OR3A3: variants seen among roughly 807,000 people sequenced by gnomAD.
OR3A3 encodes olfactory receptor 3A3.
For synonymous variants in OR3A3, 103 were observed against 163.9 expected, an observed-to-expected ratio of 0.63 and a Z score of 2.84; for missense variants, 275 against 391.4, an observed-to-expected ratio of 0.70 and a Z score of 2.51.
At chr17:3,417,404 C>A (rs181908804) in intron 2 of OR3A3, among the ~76,000 whole-genome samples, 4 of 152,260 alleles carry the variant, frequency 2.6e-5, no homozygotes, top group Admixed American at 6.5e-5. Context: ...CTCCTCTTAA[C>A]TTTATTAGAT....
chr17:3,418,676 C>T (rs567803086), intron 2 of OR3A3, among the ~76,000 whole-genome samples: 129 of 152,228 alleles, frequency 8.5e-4, no homozygotes, highest in African/African-American at 2.9e-3. Context: ...TTTTCTTAAC[C>T]GCTCCTGGCC....
chr17:3,412,419 G>A (rs2072367444), intron 2 of OR3A3, among the ~76,000 whole-genome samples: 1 of 147,360 alleles, frequency 6.8e-6, no homozygotes, highest in Non-Finnish European at 1.5e-5. Context: ...TTCACTGCCC[G>A]CACCCACTGC....
chr17:3,415,434 G>T (rs2072384528), intron 2 of OR3A3, among the ~76,000 whole-genome samples: 1 of 151,400 alleles, frequency 6.6e-6, no homozygotes, highest in Non-Finnish European at 1.5e-5. Flanking sequence ...GGTGGCGGGT[G>T]CCTGTAGTCC....
exon 3 of OR3A3, chr17:3,421,289 A>G (rs1262542584): frequency 6.2e-7 from 1 of 1,614,068 alleles, no homozygotes. Flanking sequence ...CGCTCTGCTG[A>G]GGGCAGAAAG....
At chr17:3,415,133 C>T (rs556872742) in intron 2 of OR3A3, among the ~76,000 whole-genome samples, 3 of 152,004 alleles carry the variant, frequency 2.0e-5, no homozygotes, top group African/African-American at 7.2e-5. Context: ...ATTTTAAAGT[C>T]ATTTCTGTTA....
intron 2 of OR3A3, among the ~76,000 whole-genome samples, chr17:3,418,128 G>A (rs1347287503): frequency 6.6e-6 from 1 of 151,920 alleles, no homozygotes; most frequent in Admixed American, 6.6e-5. Context: ...CTTGTTTTTT[G>A]TTTTTCAGTT....
chr17:3,421,293 C>T (rs759979169), exon 3 of OR3A3: 1 of 1,614,208 alleles, frequency 6.2e-7, no homozygotes, highest in South Asian at 1.1e-5. Context: ...CTGCTGAGGG[C>T]AGAAAGAAGG....
chr17:3,413,846 A>AAAAAACC (rs946632686), intron 2 of OR3A3, among the ~76,000 whole-genome samples: 1 of 106,898 alleles, frequency 9.4e-6, no homozygotes, highest in Non-Finnish European at 1.9e-5. Context: ...AACAAAAAAC[A>AAAAAACC]AAAAAAAAAA....
At chr17:3,413,330 C>G (rs1333599082) in intron 2 of OR3A3, among the ~76,000 whole-genome samples, 1 of 152,150 alleles carries the variant, frequency 6.6e-6, no homozygotes, top group Admixed American at 6.5e-5. Context: ...GGCGTCAAGT[C>G]TTGAAATATT....
At chr17:3,411,637 T>C (rs1426924341) in intron 1 of OR3A3, among the ~76,000 whole-genome samples, 153 bp downstream of exon 1, 1 of 152,192 alleles carries the variant, frequency 6.6e-6, no homozygotes, top group Non-Finnish European at 1.5e-5. Flanking sequence ...ATCGCACCAC[T>C]GCACTCCAGC....
exon 3 of OR3A3, chr17:3,421,635 C>A: frequency 1.5e-6 from 2 of 1,334,002 alleles, no homozygotes; most frequent in African/African-American, 1.5e-5. Flanking sequence ...TCTCCTGATG[C>A]CTGAGGAGTG....
chr17:3,419,797 G>A (rs963892378), intron 2 of OR3A3, among the ~76,000 whole-genome samples: 13 of 141,878 alleles, frequency 9.2e-5, no homozygotes, highest in Admixed American at 7.5e-4. Context: ...GCAGTGGCGC[G>A]ATCTCGGCTC....
At chr17:3,413,851 A>AC (rs781529285) in intron 2 of OR3A3, among the ~76,000 whole-genome samples, 2 of 149,598 alleles carry the variant, frequency 1.3e-5, no homozygotes, top group Non-Finnish European at 3.0e-5. Context: ...AAAACAAAAA[A>AC]AAAAAACTTT....
Position 3,420,808 on chromosome 17 carries a change from G to A in OR3A3, c.223G>A (p.Gly75Arg), listed in dbSNP as rs200809005. 1.5e-3 allele frequency: 1,934 copies of A among 1,330,608 alleles called. 3 individuals carry two copies. Among genetic ancestry groups the A allele is most frequent in the Non-Finnish European group, 1.9e-3 (1,814 of 956,934 alleles). 82.4% of individuals were successfully genotyped at this position (1,330,608 alleles called of 1,614,324 possible). ...GGGGAACCTGTCAGTGCTGGATGTC[G>A]GATGTATCACTGTCACTGTTCCTGC... is the stretch of plus-strand genomic sequence containing the variant. The change falls in exon 3 of 3, where the codon GGA (glycine) becomes AGA (arginine). Residue 75 changes from glycine to arginine, a missense_variant. Gly to Arg is a moderately radical substitution (Grantham distance 125). Coordinates refer to ENST00000641141, the Ensembl canonical transcript of OR3A3.
chr17:3,419,017 A>C (rs1026139800), intron 2 of OR3A3, among the ~76,000 whole-genome samples: 2 of 152,186 alleles, frequency 1.3e-5, no homozygotes, highest in African/African-American at 4.8e-5. Flanking sequence ...ACCTGGCAGC[A>C]ACCAACCCAC....
intron 2 of OR3A3, 119 bp downstream of exon 2, chr17:3,412,290 A>G (rs1191365213): frequency 1.3e-5 from 2 of 149,560 alleles, no homozygotes; most frequent in East Asian, 4.1e-4. Flanking sequence ...CATTTAGGGG[A>G]AGACCTGGCA....
intron 2 of OR3A3, among the ~76,000 whole-genome samples, chr17:3,418,274 A>T (rs998335889): frequency 6.6e-6 from 1 of 152,022 alleles, no homozygotes; most frequent in African/African-American, 2.4e-5. Context: ...TTCCCTTTTG[A>T]AGTCTAAATG....
chr17:3,421,256 T>G (rs1478202213), exon 3 of OR3A3: 1 of 1,614,124 alleles, frequency 6.2e-7, no homozygotes, highest in African/African-American at 1.3e-5. Context: ...TATGCCCATG[T>G]GGTAGCTGCT....
rs916081226 is a variant in OR3A3 at position 3,415,984 on chromosome 17, G to A, written c.-7+3813G>A. 1.5e-4 allele frequency among the ~76,000 whole-genome samples: 23 copies of A among 151,684 alleles called. 1 individual carries two copies. Among genetic ancestry groups the A allele is most frequent in the Admixed American group, 8.5e-4 (13 of 15,216 alleles). The stretch of plus-strand genomic sequence containing the variant: ...GCACCATCACGCCTGGCTAATTTTT[G>A]TATTTTTGATAGAGATGGGGTTTCA... On this transcript the variant is annotated intron_variant, in intron 2 of 2. Transcript: ENST00000641141.
Sources: allele counts gnomAD v4.1 joint callset (sites outside exome capture counted in the v4.1 genomes callset), GRCh38; gene constraint gnomAD v4.1.1; transcripts MANE v1.5; gene names NCBI Gene and HGNC (gene_info 2026-07-23, HGNC 2026-07-21).